Variants in FGGY observed in about 807,000 individuals in gnomAD.
The protein encoded by FGGY is FGGY carbohydrate kinase domain-containing protein.
In FGGY, 72 loss-of-function variants were observed where a neutral mutation model predicts 71.3. That is an observed-to-expected ratio of 1.01 (90% CI 0.84 to 1.23). FGGY has a LOEUF of 1.23. FGGY is among the 50% of genes most tolerant of loss of function. The pLI is 0.00. For synonymous variants in FGGY, 251 were observed against 250.3 expected, an observed-to-expected ratio of 1.00 and a Z score of -0.02; for missense variants, 668 against 682.3, an observed-to-expected ratio of 0.98 and a Z score of 0.23.
intron 8 of FGGY, among the ~76,000 whole-genome samples, chr1:59,576,871 T>C (rs2096088867): frequency 6.6e-6 from 1 of 152,172 alleles, no homozygotes; most frequent in African/African-American, 2.4e-5. Flanking sequence ...CAGGAACTAT[T>C]CATTCACCAT....
intron 1 of FGGY, among the ~76,000 whole-genome samples, chr1:59,300,682 A>G (rs931737864): frequency 1.9e-4 from 27 of 144,988 alleles, no homozygotes; most frequent in African/African-American, 5.9e-4. Flanking sequence ...GAAATATGGA[A>G]TCAAGTTTTT....
At chr1:59,721,971 T>C (rs1026271582) in intron 14 of FGGY, among the ~76,000 whole-genome samples, 2 of 152,218 alleles carry the variant, frequency 1.3e-5, no homozygotes, top group African/African-American at 4.8e-5. Flanking sequence ...CCTTTGTTAA[T>C]TAAAGCACAT....
chr1:59,510,234 ATT>A (rs918540147), intron 6 of FGGY, among the ~76,000 whole-genome samples: 16 of 151,922 alleles, frequency 1.1e-4, no homozygotes, highest in African/African-American at 3.6e-4. Context: ...TAGGGTGTTT[ATT>A]TTTCTTCTGT....
chr1:59,492,566 G>T (rs1165451697), intron 6 of FGGY, among the ~76,000 whole-genome samples: 1 of 152,108 alleles, frequency 6.6e-6, no homozygotes, highest in African/African-American at 2.4e-5. Flanking sequence ...GCATAGGAAA[G>T]AGACTAGATG....
At chr1:59,726,387 T>C (rs554263946) in intron 14 of FGGY, among the ~76,000 whole-genome samples, 8 of 152,230 alleles carry the variant, frequency 5.3e-5, no homozygotes, top group East Asian at 3.9e-4. Context: ...GATTTTGGCT[T>C]TCTTTTTTTA....
rs570359913 is a variant in FGGY, at chr1:59,674,228, G to A, written c.1512+95G>A. 3 of 840,798 alleles carry A rather than the reference G, an allele frequency of 3.6e-6. No individual in the cohort carries two copies. The South Asian group carries it at 4.8e-5, about 14-fold the overall frequency. 52.1% of individuals were successfully genotyped at this position (840,798 alleles called of 1,614,324 possible). The stretch of plus-strand genomic sequence containing the variant: ...CTCGCATTTTACAAAATACACACAG[G>A]ATATAATTAAGAAATGATAGGTTCC... On this transcript the variant is annotated intron_variant, in intron 14 of 15. Transcript: ENST00000303721.
intron 4 of FGGY, among the ~76,000 whole-genome samples, chr1:59,346,706 G>A (rs2052004763): frequency 6.6e-6 from 1 of 152,126 alleles, no homozygotes; most frequent in Non-Finnish European, 1.5e-5. Flanking sequence ...GAAAACGAAT[G>A]TTCATAGAGA....
chr1:59,497,009 G>A (rs1467083245), intron 6 of FGGY, among the ~76,000 whole-genome samples: 1 of 152,146 alleles, frequency 6.6e-6, no homozygotes, highest in Non-Finnish European at 1.5e-5. Flanking sequence ...ATAATGAGGG[G>A]GGCCTAACTA....
chr1:59,501,243 T>TA (rs893093961), intron 6 of FGGY, among the ~76,000 whole-genome samples: 1 of 152,164 alleles, frequency 6.6e-6, no homozygotes, highest in African/African-American at 2.4e-5. Flanking sequence ...GTATTTACCT[T>TA]AAAAAAGAAC....
chr1:59,723,661 AG>A (rs2097916170), intron 14 of FGGY, among the ~76,000 whole-genome samples: 1 of 151,988 alleles, frequency 6.6e-6, no homozygotes, highest in Non-Finnish European at 1.5e-5. Flanking sequence ...CACCACACAG[AG>A]TGAGATCGTT....
At chr1:59,314,776 G>A (rs1247500162) in intron 1 of FGGY, among the ~76,000 whole-genome samples, 2 of 152,178 alleles carry the variant, frequency 1.3e-5, no homozygotes, top group African/African-American at 4.8e-5. Flanking sequence ...ATTTATTTGT[G>A]TGTGTATGCA....
chr1:59,494,070 A>T (rs556187231), intron 6 of FGGY, among the ~76,000 whole-genome samples: 2 of 152,182 alleles, frequency 1.3e-5, no homozygotes, highest in Non-Finnish European at 2.9e-5. Flanking sequence ...TGTGATACAT[A>T]GATCAGTTCG....
chr1:59,403,979 G>A (rs1233768653), intron 5 of FGGY, among the ~76,000 whole-genome samples: 3 of 152,096 alleles, frequency 2.0e-5, no homozygotes, highest in Admixed American at 6.5e-5. Context: ...CACATCAGTT[G>A]TTATTAATAA....
At chr1:59,304,064 T>C (rs2043121092) in intron 1 of FGGY, among the ~76,000 whole-genome samples, 1 of 152,194 alleles carries the variant, frequency 6.6e-6, no homozygotes, top group Non-Finnish European at 1.5e-5. Flanking sequence ...GATTGTTTCC[T>C]TTGCTGTGCA....
chr1:59,373,987 G>GCA (rs2058194676), intron 4 of FGGY, among the ~76,000 whole-genome samples: 1 of 152,144 alleles, frequency 6.6e-6, no homozygotes. Context: ...CAGGACATAG[G>GCA]CATGGGCAAG....
At chr1:59,709,828 C>T (rs930130342) in intron 14 of FGGY, among the ~76,000 whole-genome samples, 5 of 152,220 alleles carry the variant, frequency 3.3e-5, no homozygotes, top group Non-Finnish European at 7.3e-5. Flanking sequence ...CTGTCTCAAC[C>T]TATGGCTGAC....
chr1:59,549,152 G>A (rs2153698793), intron 7 of FGGY, among the ~76,000 whole-genome samples: 1 of 152,278 alleles, frequency 6.6e-6, no homozygotes, highest in East Asian at 1.9e-4. Flanking sequence ...GAAGCATACA[G>A]TTGTCAATTT....
chr1:59,674,091 T>C lies in FGGY; in HGVS notation c.1470T>C (p.Ala490=). 1.2e-6 allele frequency: 2 copies of C among 1,614,044 alleles called. No individual in the cohort carries two copies. The highest frequency in any genetic ancestry group is 1.7e-6 in the Non-Finnish European group (2 of 1,179,974). The change falls in exon 14 of 16, where the codon GCT becomes GCC. Residue 490 remains alanine (A), a synonymous_variant. Coordinates refer to ENST00000303721, the MANE Select transcript of FGGY (RefSeq NM_018291.5). ...TGGAGTCCGTTCTTGTGGGTGCTGC[T>C]GTTCTGGGTGCCTGTGCCTCAGGGG... ...QEVESVLVGA[A]VLGACASGDF...
At chr1:59,353,760 TACTC>T (rs1169840796) in intron 4 of FGGY, among the ~76,000 whole-genome samples, 2 of 152,186 alleles carry the variant, frequency 1.3e-5, no homozygotes, top group Admixed American at 6.5e-5. Flanking sequence ...TTAAATAACT[TACTC>T]GTGGTCTCAT....
Sources: allele counts gnomAD v4.1 joint callset (sites outside exome capture counted in the v4.1 genomes callset), GRCh38; gene constraint gnomAD v4.1.1; transcripts MANE v1.5; gene names NCBI Gene and HGNC (gene_info 2026-07-23, HGNC 2026-07-21).